LRP4: variants seen among roughly 807,000 people sequenced by gnomAD.
LRP4 encodes LDL receptor related protein 4.
A neutral mutation model predicts 220.3 loss-of-function variants in LRP4; 95 were observed. The ratio of observed to expected loss-of-function variants is 0.43; its 90% CI spans 0.37 to 0.51. The LOEUF is 0.51. LRP4 is among the 20% of genes least tolerant of loss of function. The probability of loss-of-function intolerance (pLI) is 0.00; values close to 1 mark genes in which losing one functional copy is unlikely to be tolerated. For missense variants in LRP4, 1,925 were observed against 2,567.0 expected (o/e 0.75, Z 5.40); for synonymous variants, 903 against 954.6 (o/e 0.95, Z 1.00).
intron 20 of LRP4, among the ~76,000 whole-genome samples, chr11:46,880,458 C>T (rs1238769261): frequency 2.0e-5 from 3 of 151,640 alleles, no homozygotes; most frequent in Non-Finnish European, 4.4e-5. Context: ...AAAAATCAGC[C>T]GAGTGGCCTC....
In LRP4 at chr11:46,878,822, C is replaced by T. The variant is rs1410140606; in HGVS notation, c.3136+85G>A. ...GCAGGACTCATGGTTTCTCAGACCA[C>T]ATTGGAGCCCATCTGCAAGGAAGGA... On this transcript the variant is annotated intron_variant, in intron 22 of 37. Coordinates refer to ENST00000378623, the MANE Select transcript of LRP4 (RefSeq NM_002334.4). 8.8e-6 allele frequency: 14 copies of T among 1,585,894 alleles called. No homozygotes were observed. In the East Asian group the frequency reaches 2.7e-4, roughly 30 times the overall value.
In LRP4 at chr11:46,873,791, T is replaced by G. The variant is rs1757979559; in HGVS notation, c.4230-198A>C. On this transcript the variant is annotated intron_variant, in intron 28 of 37. Transcript: ENST00000378623. This position sits in a 1 kb window ranked among gnomAD's most constrained non-coding sequence, Gnocchi z 4.2. ...AATTGCAGAATGAAGGAACCAGTTC[T>G]TAGGAGGACACAGTATTTCCTGCTA... 3.5e-6 allele frequency: 2 copies of G among 570,972 alleles called. No homozygotes were observed. Among genetic ancestry groups the G allele is most frequent in the Non-Finnish European group, 6.2e-6 (2 of 322,890 alleles). The allele number at this position is 570,972 out of a possible 1,614,324, so 35.4% of individuals were successfully genotyped here. A position where few individuals can be genotyped will look rare whatever the true frequency, so the allele number is the denominator to read the frequency against.
chr11:46,889,254 T>C (rs754211506), intron 16 of LRP4, among the ~76,000 whole-genome samples, 157 bp downstream of exon 16: 6 of 152,210 alleles, frequency 3.9e-5, no homozygotes, highest in African/African-American at 7.2e-5. Context: ...TCAGCTTTGA[T>C]AGAAGATCCC....
intron 33 of LRP4, 56 bp from the exon 34 acceptor site, chr11:46,868,170 GC>G: frequency 6.2e-7 from 1 of 1,607,538 alleles, no homozygotes; most frequent in Non-Finnish European, 8.5e-7. Flanking sequence ...TCTACATATG[GC>G]CCAAGAGTAG....
chr11:46,886,624 A>G, intron 16 of LRP4, 91 bp from the exon 17 acceptor site: 1 of 1,085,876 alleles, frequency 9.2e-7, no homozygotes. Flanking sequence ...CATCTGGTTC[A>G]ATCACACTTC....
At chr11:46,895,074 C>T in intron 11 of LRP4, 92 bp downstream of exon 11, 2 of 1,563,418 alleles carry the variant, frequency 1.3e-6, no homozygotes, top group Non-Finnish European at 1.7e-6. Flanking sequence ...AGAAATCTCT[C>T]TACCTCTCTG....
intron 8 of LRP4, among the ~76,000 whole-genome samples, chr11:46,896,643 A>C (rs1255157986): frequency 6.6e-6 from 1 of 152,194 alleles, no homozygotes; most frequent in Non-Finnish European, 1.5e-5. Context: ...TCCTCACTAG[A>C]CCAGAGCTAA....
intron 25 of LRP4, 113 bp downstream of exon 25, chr11:46,876,353 G>T: frequency 1.6e-6 from 2 of 1,222,052 alleles, no homozygotes; most frequent in Non-Finnish European, 2.4e-6. Context: ...GCCCCAGGGA[G>T]GTCACCTTGT....
In LRP4 at chr11:46,874,935, C is replaced by T. The variant is rs770974209; in HGVS notation, c.4094G>A (p.Arg1365Gln). 4.1e-5 allele frequency: 66 copies of T among 1,614,022 alleles called. No homozygotes were observed. The highest frequency in any genetic ancestry group is 5.3e-5 in the Non-Finnish European group (63 of 1,180,038). The change falls in exon 28 of 38, where the codon CGG becomes CAG. Residue 1365 changes from arginine to glutamine, a missense_variant. Arg to Gln is a conservative substitution (Grantham distance 43, BLOSUM62 1). Transcript: ENST00000378623. Reference sequence around the variant, plus strand: ...GTCACTGGTGTCCAGTGAGATACGCCGGATGGAGCCACGGCTGGAGAAGAG... The same window carrying T: ...GTCACTGGTGTCCAGTGAGATACGCTGGATGGAGCCACGGCTGGAGAAGAG... ...YLLFSSRGSIRRISLDTSDHT... is the reference protein window; with the variant it reads ...YLLFSSRGSIQRISLDTSDHT...
chr11:46,874,751 C>T lies in LRP4; in HGVS notation c.4229+49G>A, dbSNP rs765335834. The T allele has an allele frequency of 5.7e-6, 9 of 1,573,724 alleles. No individual in the cohort carries two copies. The East Asian group carries it at 1.1e-4, about 20-fold the overall frequency. On this transcript the variant is annotated intron_variant, in intron 28 of 37. Coordinates refer to ENST00000378623, the MANE Select transcript of LRP4 (RefSeq NM_002334.4). ...GTCAGAACACAACCTCACCCATGGG[C>T]GACCAGAAGCAAATCTGTGTCTTCT... is the stretch of plus-strand genomic sequence containing the variant.
At chr11:46,892,902 T>C in intron 13 of LRP4, 71 bp downstream of exon 13, 2 of 1,559,736 alleles carry the variant, frequency 1.3e-6, no homozygotes, top group Non-Finnish European at 1.8e-6. Context: ...TCCCAGAATG[T>C]CTAGTCCAGG....
At chr11:46,889,753 G>C (rs1357087909) in intron 15 of LRP4, 191 bp downstream of exon 15, 3 of 836,718 alleles carry the variant, frequency 3.6e-6, no homozygotes, top group South Asian at 1.6e-5. Flanking sequence ...GAAGTCTAAT[G>C]AATCTTTTCG....
chr11:46,896,816 C>A lies in LRP4; in HGVS notation c.922+53G>T, dbSNP rs960453964. 3.7e-6 allele frequency: 6 copies of A among 1,613,128 alleles called. No individual in the cohort carries two copies. In the Admixed American group the frequency reaches 5.0e-5, roughly 13 times the overall value. On this transcript the variant is annotated intron_variant, in intron 8 of 37. Transcript: ENST00000378623. ...GATACCAAAGCACCCTCTTTTCCAC[C>A]CTTCCACCCCAACTATAGGCTAAGG...
At chr11:46,911,918 C>T (rs1941866604) in intron 1 of LRP4, among the ~76,000 whole-genome samples, 1 of 150,830 alleles carries the variant, frequency 6.6e-6, no homozygotes, top group Admixed American at 6.6e-5. Context: ...TCTTGGCTCG[C>T]TGCAACCTCT....
Position 46,899,054 on chromosome 11 carries a change from G to T in LRP4, c.548-22C>A. 6.2e-7 allele frequency: 1 copy of T among 1,606,682 alleles called. No homozygotes were observed. Among genetic ancestry groups the T allele is most frequent in the Non-Finnish European group, 8.5e-7 (1 of 1,175,354 alleles). On this transcript the variant is annotated intron_variant, in intron 5 of 37. Coordinates refer to ENST00000378623, the MANE Select transcript of LRP4 (RefSeq NM_002334.4). The surrounding 1 kb of genome is among the most constrained non-coding windows in gnomAD (Gnocchi z 5.9). ...GAGGCTGGAGGGAAGGCAGGGGTGG[G>T]GAGGGGCACACACTCAGGCCTGGAT...
At chr11:46,897,334 C>CTTTTTTTTTTTTTTTTTTTTTTTTT (rs60604776) in intron 7 of LRP4, among the ~76,000 whole-genome samples, 1 of 128,076 alleles carries the variant, frequency 7.8e-6, no homozygotes, top group African/African-American at 2.9e-5. Flanking sequence ...GCCTGTTTGT[C>CTTTTTTTTTTTTTTTTTTTTTTTTT]TTTTTTTTTT....
At position 46,856,960 on chromosome 11, in the gene LRP4, A is replaced by G. The variant is rs1439962171; in HGVS notation, c.*2023T>C. The G allele has an allele frequency of 6.5e-6, 1 of 152,682 alleles. No individual in the cohort carries two copies. The highest frequency in any genetic ancestry group is 2.4e-5 in the African/African-American group (1 of 41,466). 9.5% of individuals were successfully genotyped at this position (152,682 alleles called of 1,614,324 possible). On this transcript the variant is annotated 3_prime_UTR_variant, in exon 38 of 38. Coordinates refer to ENST00000378623, the MANE Select transcript of LRP4 (RefSeq NM_002334.4). The surrounding 1 kb of genome is among the most constrained non-coding windows in gnomAD (Gnocchi z 4.1). ...TAACTCCAGAAAGTCCAATCTCTCCAGTGAGTAACGTTAAAACCATTACAC... is the reference window on the plus strand; with the variant it reads ...TAACTCCAGAAAGTCCAATCTCTCCGGTGAGTAACGTTAAAACCATTACAC...
chr11:46,896,179 T>A (rs368750847), intron 9 of LRP4, 31 bp downstream of exon 9: 69 of 1,612,578 alleles, frequency 4.3e-5, no homozygotes, highest in Middle Eastern at 1.7e-4. Flanking sequence ...CCACAAACCA[T>A]GGGCCAGGTC....
Position 46,899,122 on chromosome 11 carries a change from G to A in LRP4, c.548-90C>T, listed in dbSNP as rs986376546. The A allele has an allele frequency of 3.9e-6, 5 of 1,286,772 alleles. No individual in the cohort carries two copies. The highest frequency in any genetic ancestry group is 1.9e-5 in the Admixed American group (1 of 53,542). The allele number at this position is 1,286,772 out of a possible 1,614,324, so 79.7% of individuals were successfully genotyped here. On this transcript the variant is annotated intron_variant, in intron 5 of 37. Coordinates refer to ENST00000378623, the MANE Select transcript of LRP4 (RefSeq NM_002334.4). The surrounding 1 kb of genome is among the most constrained non-coding windows in gnomAD (Gnocchi z 5.9). ...ATTCCTCAAGCAGGCAGGATGCTCAGGCAGGAGAGCTTCTTCAAGTGAGAT... is the reference window on the plus strand; with the variant it reads ...ATTCCTCAAGCAGGCAGGATGCTCAAGCAGGAGAGCTTCTTCAAGTGAGAT...
Sources: allele counts gnomAD v4.1 joint callset (sites outside exome capture counted in the v4.1 genomes callset), GRCh38; gene constraint gnomAD v4.1.1; non-coding constraint Gnocchi (gnomAD v3.1); transcripts MANE v1.5; gene names NCBI Gene and HGNC (gene_info 2026-07-23, HGNC 2026-07-21).